COL6A3: variants seen among roughly 807,000 people sequenced by gnomAD.
COL6A3 encodes the protein collagen type VI alpha 3 chain, also known as collagen alpha-3(VI) chain.
COL6A3 carries 137 observed loss-of-function variants against 274.1 expected under a neutral mutation model. The ratio of observed to expected loss-of-function variants is 0.50; its 90% CI spans 0.44 to 0.58. The LOEUF (loss-of-function observed/expected upper bound fraction) is 0.58. COL6A3 is among the 20% of genes least tolerant of loss of function. COL6A3 has a pLI of 0.00. For synonymous variants in COL6A3, 1,650 were observed against 1,650.6 expected (o/e 1.00, Z 0.01); for missense variants, 3,950 against 4,124.9 (o/e 0.96, Z 1.16).
At chr2:237,337,929 T>C (rs1700635273) in intron 39 of COL6A3, among the ~76,000 whole-genome samples, 1 of 151,922 alleles carries the variant, frequency 6.6e-6, no homozygotes, top group Non-Finnish European at 1.5e-5. Flanking sequence ...ATTATTACCA[T>C]CATTACATGT....
At chr2:237,343,898 G>A (rs1048667695) in intron 36 of COL6A3, 3 of 282,028 alleles carry the variant, frequency 1.1e-5, no homozygotes, top group African/African-American at 4.4e-5. Context: ...TCCATGAGGT[G>A]AGACTGATGA....
At chr2:237,363,854 G>A (rs2077490510) in intron 13 of COL6A3, among the ~76,000 whole-genome samples, 2 of 152,166 alleles carry the variant, frequency 1.3e-5, no homozygotes, top group South Asian at 2.1e-4. Context: ...GCTACCAAAC[G>A]CCAAAGCAAG....
chr2:237,398,971 C>G (rs1274089488), intron 1 of COL6A3, among the ~76,000 whole-genome samples: 1 of 152,134 alleles, frequency 6.6e-6, no homozygotes, highest in East Asian at 1.9e-4. Context: ...TGTTATTTAT[C>G]TTTACATTAT....
In COL6A3 at chr2:237,396,861, C is replaced by T. The variant is rs1428024599; in HGVS notation, c.-30-14G>A. 3 of 1,570,242 alleles carry T rather than the reference C, an allele frequency of 1.9e-6. No homozygotes were observed. Among genetic ancestry groups the T allele is most frequent in the African/African-American group, 1.3e-5 (1 of 74,084 alleles). On this transcript the variant is annotated splice_polypyrimidine_tract_variant and intron_variant, in intron 1 of 43. Transcript: ENST00000295550. The stretch of plus-strand genomic sequence containing the variant: ...CCAAATATGAACCTAAAAGAGAAAA[C>T]AGGGCAAAGGGAATGATCAGTTTTT...
At chr2:237,324,910 C>A in intron 43 of COL6A3, 96 bp from the exon 44 acceptor site, 19 of 1,236,714 alleles carry the variant, frequency 1.5e-5, no homozygotes, top group Non-Finnish European at 2.1e-5. Context: ...CTGTCATTAT[C>A]ATGACACAGT....
intron 28 of COL6A3, 140 bp from the exon 29 acceptor site, chr2:237,348,803 A>T: frequency 5.3e-6 from 4 of 749,038 alleles, no homozygotes; most frequent in Non-Finnish European, 9.5e-6. Flanking sequence ...GAGTAGGCAC[A>T]CTTCCTGCTC....
At chr2:237,335,355 A>G (rs1010435171) in intron 40 of COL6A3, among the ~76,000 whole-genome samples, 2 of 152,234 alleles carry the variant, frequency 1.3e-5, no homozygotes, top group Non-Finnish European at 2.9e-5. Context: ...AGCTTGTGAC[A>G]TTCGGTAGTG....
In COL6A3 at chr2:237,325,687, C is replaced by T. The variant is rs114196732; in HGVS notation, c.9366G>A (p.Arg3122=). 1.2e-6 allele frequency: 2 copies of T among 1,614,030 alleles called. No homozygotes were observed. Among genetic ancestry groups the T allele is most frequent in the East Asian group, 4.5e-5 (2 of 44,870 alleles). ...CATAGTACCATTTTAATATGAAATC[C>T]CTGCAAGTTCCTTCGTCTTTCGGCA... ...CKLPKDEGTC[R]DFILKWYYDP... Residue 3122 remains arginine, a synonymous_variant, in exon 43 of 44, where the codon AGG becomes AGA. Coordinates refer to ENST00000295550, the MANE Select transcript of COL6A3 (RefSeq NM_004369.4).
rs2076957539 is a variant in COL6A3, at chr2:237,340,316, G to A, written c.8464+136C>T. On this transcript the variant is annotated intron_variant, in intron 38 of 43. Coordinates refer to ENST00000295550, the MANE Select transcript of COL6A3 (RefSeq NM_004369.4). The stretch of plus-strand genomic sequence containing the variant: ...AAAGCATTTGTGGCATATGGCAGGT[G>A]TCAATATATGTCTGTTCAATGAATG... 5.0e-6 allele frequency: 4 copies of A among 807,552 alleles called. No individual in the cohort carries two copies. The Admixed American group carries it at 6.2e-5, about 13-fold the overall frequency. 50.0% of individuals were successfully genotyped at this position (807,552 alleles called of 1,614,324 possible). A position where few individuals can be genotyped will look rare whatever the true frequency, so the allele number is the denominator to read the frequency against.
Position 237,368,840 on chromosome 2 carries a change from G to A in COL6A3, c.4623C>T (p.Pro1541=), listed in dbSNP as rs781048977. Reference sequence around the variant, plus strand: ...CACCCAGGACCAGGACCAGGTGTTGGGGCACCCCGTCTTCTATGCGACTCC... The same window carrying A: ...CACCCAGGACCAGGACCAGGTGTTGAGGCACCCCGTCTTCTATGCGACTCC... ...SAGSRIEDGV[P]QHLVLVLGGK... is the part of the protein sequence containing the mutation. Residue 1541 remains proline (P), a synonymous_variant, in exon 10 of 44, where the codon CCC becomes CCT. Transcript: ENST00000295550. The surrounding 1 kb of genome is among the most constrained non-coding windows in gnomAD (Gnocchi z 4.4). 1 of 1,614,140 alleles carries A rather than the reference G, an allele frequency of 6.2e-7. No homozygotes were observed. The highest frequency in any genetic ancestry group is 1.1e-5 in the South Asian group (1 of 91,060).
intron 42 of COL6A3, chr2:237,328,649 T>G (rs1023418121): frequency 1.2e-4 from 18 of 152,248 alleles, no homozygotes; most frequent in African/African-American, 4.1e-4. Flanking sequence ...AAAAAATATA[T>G]GTATTCTTCA....
rs991935721 is a variant in COL6A3 at position 237,361,637 on chromosome 2, C to T, written c.6156+102G>A. On this transcript the variant is annotated intron_variant, in intron 15 of 43. Coordinates refer to ENST00000295550, the MANE Select transcript of COL6A3 (RefSeq NM_004369.4). This position sits in a 1 kb window ranked among gnomAD's most constrained non-coding sequence, Gnocchi z 5.1. ...CATAAGAAATGGTCTCTCGTCTCCT[C>T]CTTCATCTCCACACTCTTCTGTTAG... is the stretch of plus-strand genomic sequence containing the variant. 1.8e-6 allele frequency: 2 copies of T among 1,089,326 alleles called. No homozygotes were observed. Among genetic ancestry groups the T allele is most frequent in the East Asian group, 2.3e-5 (1 of 42,562 alleles). 67.5% of individuals were successfully genotyped at this position (1,089,326 alleles called of 1,614,324 possible).
chr2:237,333,312 G>A (rs1314251760), intron 42 of COL6A3, 138 bp downstream of exon 42: 2 of 750,222 alleles, frequency 2.7e-6, no homozygotes, highest in African/African-American at 1.7e-5. Context: ...ATGATGTTGG[G>A]CTGCACAGAG....
Position 237,378,704 on chromosome 2 carries a change from T to C in COL6A3, c.2429A>G (p.Gln810Arg). 1.2e-6 allele frequency: 2 copies of C among 1,613,914 alleles called. No individual in the cohort carries two copies. Among genetic ancestry groups the C allele is most frequent in the Non-Finnish European group, 8.5e-7 (1 of 1,180,040 alleles). Residue 810 changes from glutamine (Q) to arginine (R), a missense_variant, in exon 6 of 44, where the codon CAG becomes CGG. This residue lies in a region of COL6A3 where 1,934 missense variants were observed against 1,984.3 expected (regional missense o/e 0.97). Transcript: ENST00000295550. The stretch of plus-strand genomic sequence containing the variant: ...TGTGGTTAGGGGCTGAATCAGCTGC[T>C]GAGGCAAAGCTGGCAGGGAGCTGAA... ...DDFSSLPALP[Q>R]QLIQPLTTYV...
intron 3 of COL6A3, among the ~76,000 whole-genome samples, chr2:237,389,428 A>G (rs1284509471): frequency 1.3e-5 from 2 of 152,246 alleles, no homozygotes; most frequent in East Asian, 3.8e-4. Context: ...CACTCAGGGT[A>G]TCATTTTTAA....
intron 39 of COL6A3, 79 bp downstream of exon 39, chr2:237,338,936 T>C (rs1700685761): frequency 9.1e-7 from 1 of 1,097,334 alleles, no homozygotes; most frequent in African/African-American, 1.5e-5. Flanking sequence ...CCTCATCCCA[T>C]AAAGTCAGGA....
chr2:237,404,801 T>C (rs1380899837), intron 1 of COL6A3, among the ~76,000 whole-genome samples: 1 of 152,154 alleles, frequency 6.6e-6, no homozygotes, highest in African/African-American at 2.4e-5. Context: ...TCTTCCAGAG[T>C]GCTCAATACA....
chr2:237,340,326 G>A (rs1217571860), intron 38 of COL6A3, 126 bp downstream of exon 38: 1 of 894,700 alleles, frequency 1.1e-6, no homozygotes. Flanking sequence ...GTCAATATAT[G>A]TCTGTTCAAT....
intron 31 of COL6A3, 121 bp downstream of exon 31, chr2:237,347,686 C>T (rs1229100328): frequency 5.8e-6 from 6 of 1,032,702 alleles, no homozygotes; most frequent in African/African-American, 1.6e-5. Flanking sequence ...CCCTTCCTTC[C>T]ACCCTGTGCT....
Sources: gnomAD v4.1 joint callset for allele counts (sites outside exome capture counted in the v4.1 genomes callset) on GRCh38, gnomAD v4.1.1 for gene constraint, gnomAD v4.1.1 regional missense constraint, Gnocchi (gnomAD v3.1) non-coding constraint, MANE v1.5 for transcripts, NCBI Gene and HGNC (gene_info 2026-07-23, HGNC 2026-07-21) for gene names.